The following GALNT5 variants were observed in gnomAD, a reference collection of about 807,000 sequenced individuals.
GALNT5 encodes the protein polypeptide N-acetylgalactosaminyltransferase 5.
A neutral mutation model predicts 85.4 loss-of-function variants in GALNT5; 72 were observed. The observed-to-expected ratio is 0.84, with a 90% CI of 0.70 to 1.03. GALNT5 has a LOEUF of 1.03. Ranked by LOEUF, GALNT5 falls within the 50% of genes least tolerant of loss-of-function variation. The pLI is 0.00. For synonymous variants in GALNT5, 404 were observed against 397.0 expected (o/e 1.02, Z -0.21); for missense variants, 1,137 against 1,135.5 (o/e 1.00, Z -0.02).
Position 157,258,834 on chromosome 2 carries a change from A to G in GALNT5, c.752A>G (p.Glu251Gly). 6.3e-7 allele frequency: 1 copy of G among 1,587,956 alleles called. No individual in the cohort carries two copies. The highest frequency in any genetic ancestry group is 8.6e-7 in the Non-Finnish European group (1 of 1,165,868). ...PASTAVPKSG[E>G]AMALNKTKTQ... ...AGCACAGCAGTGCCGAAGTCTGGGG[A>G]AGCCATGGCCTTAAACAAAACTAAG... The change falls in exon 1 of 10, where the codon GAA becomes GGA. Residue 251 changes from glutamate (E) to glycine (G), a missense_variant. By Grantham distance (98) the Glu-to-Gly change is moderately conservative. Transcript: ENST00000259056.
intron 1 of GALNT5, among the ~76,000 whole-genome samples, chr2:157,260,484 ATTT>A (rs898231784): frequency 2.0e-5 from 3 of 151,982 alleles, no homozygotes; most frequent in Non-Finnish European, 4.4e-5. Context: ...GGTTCCTGGC[ATTT>A]TTTTTCTTGG....
At chr2:157,268,658 C>A (rs1177749966) in intron 1 of GALNT5, among the ~76,000 whole-genome samples, 1 of 152,184 alleles carries the variant, frequency 6.6e-6, no homozygotes, top group Non-Finnish European at 1.5e-5. Flanking sequence ...TGTCATCTTT[C>A]TCAAGTCCAG....
At position 157,299,673 on chromosome 2, in the gene GALNT5, C is replaced by T; in HGVS notation, c.2115+8C>T. The T allele has an allele frequency of 7.1e-7, 1 of 1,413,756 alleles. No individual in the cohort carries two copies. The highest frequency in any genetic ancestry group is 9.9e-7 in the Non-Finnish European group (1 of 1,006,008). 87.6% of individuals were successfully genotyped at this position (1,413,756 alleles called of 1,614,324 possible). On this transcript the variant is annotated splice_region_variant and intron_variant, in intron 6 of 9. Transcript: ENST00000259056. ...ATGGAGCTCTCATTCAAGGTATTAC[C>T]AGGTGTTTCCCAACTTTTCTTTACG...
At chr2:157,266,169 C>T (rs999258970) in intron 1 of GALNT5, among the ~76,000 whole-genome samples, 6 of 152,216 alleles carry the variant, frequency 3.9e-5, no homozygotes, top group African/African-American at 1.4e-4. Flanking sequence ...GCAGTTGAGG[C>T]CTTTCATCCT....
At chr2:157,262,431 G>T (rs1431966505) in intron 1 of GALNT5, among the ~76,000 whole-genome samples, 3 of 152,050 alleles carry the variant, frequency 2.0e-5, no homozygotes, top group African/African-American at 7.2e-5. Context: ...GAGCCCAGGA[G>T]TTTGAGATCA....
At position 157,280,531 on chromosome 2, in the gene GALNT5, A is replaced by G. The variant is rs138811118; in HGVS notation, c.1455-3751A>G. Among the ~76,000 whole-genome samples the G allele has an allele frequency of 3.7e-3, 568 of 152,370 alleles. 4 individuals are homozygous for G. Among genetic ancestry groups the G allele is most frequent in the African/African-American group, 0.013 (547 of 41,592 alleles). On this transcript the variant is annotated intron_variant, in intron 1 of 9. Coordinates refer to ENST00000259056, the MANE Select transcript of GALNT5 (RefSeq NM_014568.3). ...TAGAATTCTGGACCCCAGAAATGTG[A>G]CAGAATATGTTACCAAGTTTGTGGT...
chr2:157,268,256 T>C (rs1682503413), intron 1 of GALNT5, among the ~76,000 whole-genome samples: 2 of 152,182 alleles, frequency 1.3e-5, no homozygotes, highest in African/African-American at 4.8e-5. Flanking sequence ...CTTCTCTATT[T>C]GATAGGCTAC....
chr2:157,286,936 G>GTT (rs1682989899), intron 3 of GALNT5, among the ~76,000 whole-genome samples: 1 of 141,368 alleles, frequency 7.1e-6, no homozygotes, highest in Admixed American at 7.1e-5. Context: ...GTGTGTGTGT[G>GTT]TATTTTAAGT....
chr2:157,278,112 T>C (rs1682777196), intron 1 of GALNT5, among the ~76,000 whole-genome samples: 1 of 152,234 alleles, frequency 6.6e-6, no homozygotes, highest in African/African-American at 2.4e-5. Flanking sequence ...AAATTCTGGG[T>C]TGAAAGTTCT....
chr2:157,260,146 A>G (rs1473567116), intron 1 of GALNT5, among the ~76,000 whole-genome samples: 1 of 152,242 alleles, frequency 6.6e-6, no homozygotes, highest in East Asian at 1.9e-4. Flanking sequence ...GAAAAAGTCA[A>G]TCAGTCCATG....
rs1401135290 is a variant in GALNT5, at chr2:157,312,582, C to A, written c.*1234C>A. 2 of 151,996 alleles carry A rather than the reference C, an allele frequency of 1.3e-5. No individual in the cohort carries two copies. Among genetic ancestry groups the A allele is most frequent in the East Asian group, 1.9e-4 (1 of 5,196 alleles). The allele number at this position is 151,996 out of a possible 1,614,324, so 9.4% of individuals were successfully genotyped here. On this transcript the variant is annotated 3_prime_UTR_variant, in exon 10 of 10. Transcript: ENST00000259056. ...ATAAAGCCTCTAATCTTAAGCATACCAATACTTTGGCATACCAGAAGACAC... is the reference window on the plus strand; with the variant it reads ...ATAAAGCCTCTAATCTTAAGCATACAAATACTTTGGCATACCAGAAGACAC...
At chr2:157,275,229 C>G (rs548063226) in intron 1 of GALNT5, among the ~76,000 whole-genome samples, 1 of 152,166 alleles carries the variant, frequency 6.6e-6, no homozygotes, top group African/African-American at 2.4e-5. Flanking sequence ...TTGGTTACTG[C>G]GGCCTTGTAG....
rs763386860 is a variant in GALNT5, at chr2:157,308,743, G to C, written c.2682+15G>C. On this transcript the variant is annotated intron_variant, in intron 9 of 9. Coordinates refer to ENST00000259056, the MANE Select transcript of GALNT5 (RefSeq NM_014568.3). ...ATCCAGAACTGGTAAGCAAAAGATT[G>C]GTACCTCTTCTTTACCACAAATTTG... 5.6e-5 allele frequency: 89 copies of C among 1,597,142 alleles called. No individual in the cohort carries two copies. Among genetic ancestry groups the C allele is most frequent in the Non-Finnish European group, 7.1e-5 (83 of 1,171,150 alleles).
rs754144547 is a variant in GALNT5, at chr2:157,258,522, G to T, written c.440G>T (p.Arg147Ile). Residue 147 changes from arginine (R) to isoleucine (I), a missense_variant, in exon 1 of 10, where the codon AGA becomes ATA. Coordinates refer to ENST00000259056, the MANE Select transcript of GALNT5 (RefSeq NM_014568.3). The part of the protein sequence containing the change: ...VTPNKQKTDG[R>I]GTKPEASSHQ... Reference sequence around the variant, plus strand: ...CCTAACAAGCAGAAGACAGACGGGAGAGGCACCAAACCTGAAGCCTCCTCT... The same window carrying T: ...CCTAACAAGCAGAAGACAGACGGGATAGGCACCAAACCTGAAGCCTCCTCT... 7 of 1,612,254 alleles carry T rather than the reference G, an allele frequency of 4.3e-6. No individual in the cohort carries two copies. The African/African-American group carries it at 6.7e-5, about 15-fold the overall frequency.
chr2:157,289,143 G>A (rs530959435), intron 3 of GALNT5, among the ~76,000 whole-genome samples: 29 of 145,780 alleles, frequency 2.0e-4, no homozygotes, highest in Admixed American at 2.6e-4. Flanking sequence ...CTGCCTGCAC[G>A]GAGCACAGAG....
At chr2:157,291,329 T>A (rs1464531624) in intron 3 of GALNT5, among the ~76,000 whole-genome samples, 1 of 152,198 alleles carries the variant, frequency 6.6e-6, no homozygotes. Context: ...ACTGGACAAG[T>A]GACATCTAAC....
At chr2:157,300,520 T>G (rs1439487742) in intron 6 of GALNT5, among the ~76,000 whole-genome samples, 156 bp from the exon 7 acceptor site, 1 of 152,228 alleles carries the variant, frequency 6.6e-6, no homozygotes, top group Non-Finnish European at 1.5e-5. Context: ...CAAAATTAAA[T>G]AAGCCTGTTG....
intron 1 of GALNT5, among the ~76,000 whole-genome samples, chr2:157,267,816 T>C (rs1038412944): frequency 3.8e-4 from 58 of 152,352 alleles, no homozygotes; most frequent in Non-Finnish European, 1.2e-4. Context: ...ACTTAAATTT[T>C]CTGAATCAGT....
rs529157634 is a variant in GALNT5 at position 157,274,002 on chromosome 2, G to C, written c.1455-10280G>C. Among the ~76,000 whole-genome samples the C allele has an allele frequency of 2.0e-5, 3 of 151,958 alleles. No individual in the cohort carries two copies. In the South Asian group the frequency reaches 6.2e-4, roughly 32 times the overall value. On this transcript the variant is annotated intron_variant, in intron 1 of 9. Transcript: ENST00000259056. ...CCCCCACCCCCTAAAAGGCCCCAGT[G>C]TGTGATGTTCCCCACCTTGTGTCCA...
Sources: gnomAD v4.1 joint callset for allele counts (sites outside exome capture counted in the v4.1 genomes callset) on GRCh38, gnomAD v4.1.1 for gene constraint, MANE v1.5 for transcripts, NCBI Gene and HGNC (gene_info 2026-07-23, HGNC 2026-07-21) for gene names.